Variants in NMS observed in about 807,000 individuals in gnomAD.
The protein encoded by NMS is neuromedin-S.
In NMS, 30 loss-of-function variants were observed where a neutral mutation model predicts 32.2. That is an observed-to-expected ratio of 0.93 (90% confidence interval 0.70 to 1.26). NMS has a LOEUF of 1.26. Ranked by LOEUF, NMS falls within the 50% of genes most tolerant of loss-of-function variation. NMS has a pLI of 0.00. For missense variants in NMS, 190 were observed against 186.3 expected, an observed-to-expected ratio of 1.02 and a Z score of -0.12; for synonymous variants, 76 against 58.5, an observed-to-expected ratio of 1.30 and a Z score of -1.37.
At chr2:100,470,876 A>G (rs7604140) in intron 1 of NMS, among the ~76,000 whole-genome samples, 4,780 of 152,308 alleles carry the variant, frequency 0.031, 124 homozygotes, top group East Asian at 0.07. Flanking sequence ...GGAAGATCCC[A>G]CTTGTAGCCA....
chr2:100,476,955 C>T (rs934315137), intron 3 of NMS, among the ~76,000 whole-genome samples: 3 of 152,154 alleles, frequency 2.0e-5, no homozygotes, highest in Non-Finnish European at 4.4e-5. Context: ...TTATTTGCTT[C>T]TATGCATCAG....
At chr2:100,470,931 A>G (rs1201367037) in intron 1 of NMS, among the ~76,000 whole-genome samples, 1 of 152,194 alleles carries the variant, frequency 6.6e-6, no homozygotes, top group Non-Finnish European at 1.5e-5. Flanking sequence ...GAGTTGGTAA[A>G]ACTGAGCTTA....
At chr2:100,476,408 A>G (rs1677110176) in intron 3 of NMS, among the ~76,000 whole-genome samples, 1 of 152,184 alleles carries the variant, frequency 6.6e-6, no homozygotes, top group Non-Finnish European at 1.5e-5. Flanking sequence ...GTAGAGAGAG[A>G]GGATGCATAG....
At chr2:100,476,222 C>G (rs144493097) in intron 3 of NMS, among the ~76,000 whole-genome samples, 386 of 152,234 alleles carry the variant, frequency 2.5e-3, no homozygotes, top group African/African-American at 8.9e-3. Flanking sequence ...TGAACAGATG[C>G]TGACAAGAAG....
At chr2:100,473,719 T>C (rs1208060455) in intron 3 of NMS, among the ~76,000 whole-genome samples, 180 bp downstream of exon 3, 2 of 151,770 alleles carry the variant, frequency 1.3e-5, no homozygotes, top group African/African-American at 4.8e-5. Context: ...ATCTTAAGTA[T>C]CTTCAATATA....
intron 6 of NMS, among the ~76,000 whole-genome samples, chr2:100,480,077 A>C (rs1677187792): frequency 6.6e-6 from 1 of 152,222 alleles, no homozygotes; most frequent in African/African-American, 2.4e-5. Flanking sequence ...CACCAGCAGC[A>C]GTTTGTCTGA....
rs140712608 is a variant in NMS at position 100,471,724 on chromosome 2, A to G, written c.77-1071A>G. Among the ~76,000 whole-genome samples, 294 of 152,288 alleles carry G rather than the reference A, an allele frequency of 1.9e-3. 2 individuals carry two copies. The highest frequency in any genetic ancestry group is 6.9e-3 in the African/African-American group (286 of 41,570). ...ATAGGATTGGTTTGCATTACTTTGC[A>G]TTATTGAATGATTCCAATCACCAAA... is the stretch of plus-strand genomic sequence containing the variant. On this transcript the variant is annotated intron_variant, in intron 1 of 9. Transcript: ENST00000376865.
chr2:100,480,466 T>A (rs1558669680), intron 6 of NMS, 30 bp from the exon 7 acceptor site: 1 of 1,612,328 alleles, frequency 6.2e-7, no homozygotes, highest in African/African-American at 1.3e-5. Flanking sequence ...TGGTTCCTGT[T>A]GAATTAACCT....
At chr2:100,470,658 G>T (rs1380918882) in intron 1 of NMS, 94 bp downstream of exon 1, 2 of 964,534 alleles carry the variant, frequency 2.1e-6, no homozygotes, top group Non-Finnish European at 3.4e-6. Context: ...AGGGAGTCAA[G>T]CTTTATTCTC....
chr2:100,481,770 C>T (rs935030509), intron 8 of NMS, among the ~76,000 whole-genome samples: 4 of 152,188 alleles, frequency 2.6e-5, no homozygotes, highest in African/African-American at 9.6e-5. Flanking sequence ...TGTGATGTCT[C>T]ACAATACACA....
chr2:100,480,532 G>A lies in NMS; in HGVS notation c.372+1G>A, dbSNP rs1388790325. Reference sequence around the variant, plus strand: ...TGCTGCAGTGGACTTCACCAAGAAGGTACACAAGAGCCTTGGAGACTGCGA... The same window carrying A: ...TGCTGCAGTGGACTTCACCAAGAAGATACACAAGAGCCTTGGAGACTGCGA... On this transcript the variant is annotated splice_donor_variant, in intron 7 of 9. Transcript: ENST00000376865. LOFTEE classifies it high-confidence loss of function. 4 of 1,612,872 alleles carry A rather than the reference G, an allele frequency of 2.5e-6. No individual in the cohort carries two copies. The highest frequency in any genetic ancestry group is 1.7e-6 in the Non-Finnish European group (2 of 1,180,000).
chr2:100,471,258 C>A (rs1230357824), intron 1 of NMS, among the ~76,000 whole-genome samples: 1 of 152,224 alleles, frequency 6.6e-6, no homozygotes, highest in African/African-American at 2.4e-5. Context: ...GTTGGAAACA[C>A]ATACCATTTT....
intron 3 of NMS, among the ~76,000 whole-genome samples, chr2:100,474,829 A>C (rs745937204): frequency 2.0e-5 from 3 of 152,240 alleles, no homozygotes; most frequent in Non-Finnish European, 2.9e-5. Flanking sequence ...ATATGTTTGA[A>C]GGCAATTGTT....
At chr2:100,482,445 G>C in intron 9 of NMS, 134 bp downstream of exon 9, 1 of 811,362 alleles carries the variant, frequency 1.2e-6, no homozygotes, top group Admixed American at 2.1e-5. Flanking sequence ...TAACCCCCAG[G>C]AACTCTGCCC....
At chr2:100,482,136 C>A in intron 8 of NMS, 141 bp from the exon 9 acceptor site, 1 of 802,754 alleles carries the variant, frequency 1.2e-6, no homozygotes, top group Non-Finnish European at 2.1e-6. Context: ...GAGGGCTTCC[C>A]AGGTGAGTCC....
intron 3 of NMS, among the ~76,000 whole-genome samples, chr2:100,473,768 C>A (rs982763459): frequency 4.6e-5 from 7 of 151,820 alleles, no homozygotes; most frequent in African/African-American, 1.7e-4. Flanking sequence ...TATATTCTTA[C>A]AATTATTATA....
intron 9 of NMS, 46 bp downstream of exon 9, chr2:100,482,357 C>G: frequency 6.4e-7 from 1 of 1,572,020 alleles, no homozygotes; most frequent in Non-Finnish European, 8.8e-7. Context: ...CTCTTTCAAG[C>G]AAATTTTATG....
At position 100,479,630 on chromosome 2, in the gene NMS, T is replaced by C. The variant is rs537749492; in HGVS notation, c.336+203T>C. Among the ~76,000 whole-genome samples the C allele has an allele frequency of 2.3e-4, 35 of 152,326 alleles. No individual in the cohort carries two copies. The South Asian group carries it at 7.0e-3, about 31-fold the overall frequency. On this transcript the variant is annotated intron_variant, in intron 6 of 9. Transcript: ENST00000376865. ...CTCCACTGAAACCCCATGAGGTGGT[T>C]TGAAGGGCCCGGGGAGAGACCCCAT...
At chr2:100,472,737 G>T in intron 1 of NMS, 58 bp from the exon 2 acceptor site, 1 of 1,082,162 alleles carries the variant, frequency 9.2e-7, no homozygotes, top group South Asian at 1.4e-5. Flanking sequence ...TAAAGACTTT[G>T]AAGTAAATGC....
Sources: allele counts gnomAD v4.1 joint callset (sites outside exome capture counted in the v4.1 genomes callset), GRCh38; gene constraint gnomAD v4.1.1; transcripts MANE v1.5; gene names NCBI Gene and HGNC (gene_info 2026-07-23, HGNC 2026-07-21).